Variants in DHX16 observed in about 807,000 individuals in gnomAD.
DHX16 encodes DEAH-box helicase 16.
DHX16 carries 81 observed loss-of-function variants against 131.2 expected under a neutral mutation model. The ratio of observed to expected loss-of-function variants is 0.62; its 90% CI spans 0.52 to 0.74. The LOEUF (loss-of-function observed/expected upper bound fraction) is 0.74. DHX16 is among the 30% of genes least tolerant of loss of function. DHX16 has a pLI of 0.00. For synonymous variants in DHX16, 440 were observed against 520.2 expected (o/e 0.85, Z 2.10); for missense variants, 980 against 1,363.1 (o/e 0.72, Z 4.43).
In DHX16 at chr6:30,662,615, G is replaced by A. The variant is rs1208994849; in HGVS notation, c.1544+12C>T. On this transcript the variant is annotated intron_variant, in intron 9 of 19. Coordinates refer to ENST00000376442, the MANE Select transcript of DHX16 (RefSeq NM_003587.5). The surrounding 1 kb of genome is among the most constrained non-coding windows in gnomAD (Gnocchi z 4.7). ...GGGAAGAAGGGAGAGAAAGGCCAGA[G>A]ATTAGAGATACCTGTAACTCGCCAG... 5 of 1,604,782 alleles carry A rather than the reference G, an allele frequency of 3.1e-6. No homozygotes were observed. Among genetic ancestry groups the A allele is most frequent in the Non-Finnish European group, 4.3e-6 (5 of 1,172,630 alleles).
intron 7 of DHX16, 118 bp from the exon 8 acceptor site, chr6:30,663,139 G>T (rs1226581892): frequency 3.6e-6 from 3 of 835,022 alleles, no homozygotes; most frequent in South Asian, 3.5e-5. Context: ...GGAAAAGACA[G>T]ATGCTGAAAA....
In DHX16 at chr6:30,654,883, A is replaced by G. The variant is rs957929257; in HGVS notation, c.2824-4T>C. Reference sequence around the variant, plus strand: ...AAAAGTAACCAGCAGTGATGGCCTAAGGAGCGGGCAGGAAAGAAAATCAAT... The same window carrying G: ...AAAAGTAACCAGCAGTGATGGCCTAGGGAGCGGGCAGGAAAGAAAATCAAT... On this transcript the variant is annotated splice_polypyrimidine_tract_variant and splice_region_variant and intron_variant, in intron 18 of 19. Transcript: ENST00000376442. The G allele has an allele frequency of 1.9e-6, 3 of 1,606,052 alleles. No homozygotes were observed. The highest frequency in any genetic ancestry group is 1.7e-5 in the Admixed American group (1 of 58,454).
At chr6:30,666,156 G>A (rs768687533) in intron 4 of DHX16, among the ~76,000 whole-genome samples, 1 of 152,176 alleles carries the variant, frequency 6.6e-6, no homozygotes, top group African/African-American at 2.4e-5. Flanking sequence ...AACCAGTGAG[G>A]GGGCCAACAG....
Position 30,659,839 on chromosome 6 carries a change from A to G in DHX16, c.1756-5T>C. ...CAAGTAGTCAGCCTCTGGAGCCTGG[A>G]GAGCAGAAAGAGATGGGGTCACAGG... On this transcript the variant is annotated splice_region_variant and splice_polypyrimidine_tract_variant and intron_variant, in intron 10 of 19. Coordinates refer to ENST00000376442, the MANE Select transcript of DHX16 (RefSeq NM_003587.5). 1 of 1,613,788 alleles carries G rather than the reference A, an allele frequency of 6.2e-7. No individual in the cohort carries two copies. The highest frequency in any genetic ancestry group is 8.5e-7 in the Non-Finnish European group (1 of 1,179,812).
At position 30,656,215 on chromosome 6, in the gene DHX16, C is replaced by CA; in HGVS notation, c.2480dup (p.Met827IlefsTer6). 1 of 1,613,296 alleles carries CA rather than the reference C, an allele frequency of 6.2e-7. No homozygotes were observed. The highest frequency in any genetic ancestry group is 8.5e-7 in the Non-Finnish European group (1 of 1,180,028). On this transcript the variant is annotated frameshift_variant, in exon 16 of 20. Coordinates refer to ENST00000376442, the MANE Select transcript of DHX16 (RefSeq NM_003587.5). LOFTEE classifies it high-confidence loss of function. The surrounding 1 kb of genome is among the most constrained non-coding windows in gnomAD (Gnocchi z 5.1). ...GGGCTTACTTCTCAGAGGCTAAGAT[C>CA]ATTTTGGACAGCATGGGGTCCACCG... is the stretch of plus-strand genomic sequence containing the variant.
chr6:30,672,969 G>A lies in DHX16; in HGVS notation c.-128C>T, dbSNP rs958916391. 1.9e-6 allele frequency: 3 copies of A among 1,552,262 alleles called. No homozygotes were observed. The highest frequency in any genetic ancestry group is 8.7e-7 in the Non-Finnish European group (1 of 1,147,388). Reference sequence around the variant, plus strand: ...CAAGTCAGCTACCTTGGGACCTCTAGGATCTTCCGACATCCCAAAGCTGTC... The same window carrying A: ...CAAGTCAGCTACCTTGGGACCTCTAAGATCTTCCGACATCCCAAAGCTGTC... On this transcript the variant is annotated 5_prime_UTR_variant, in exon 1 of 20. Coordinates refer to ENST00000376442, the MANE Select transcript of DHX16 (RefSeq NM_003587.5).
rs935610680 is a variant in DHX16 at position 30,653,139 on chromosome 6, A to G, written c.*103T>C. The G allele has an allele frequency of 2.9e-6, 4 of 1,390,242 alleles. No individual in the cohort carries two copies. In the Admixed American group the frequency reaches 9.5e-5, roughly 33 times the overall value. The allele number at this position is 1,390,242 out of a possible 1,614,324, so 86.1% of individuals were successfully genotyped here. On this transcript the variant is annotated 3_prime_UTR_variant, in exon 20 of 20. Transcript: ENST00000376442. ...ACATATCACTTTCTCTAGATCCCAA[A>G]TGTTCCCACAAGCTTTATTCCAAAA...
In DHX16 at chr6:30,671,288, G is replaced by A. The variant is rs376682933; in HGVS notation, c.208-14C>T. The A allele has an allele frequency of 2.4e-5, 38 of 1,610,398 alleles. No homozygotes were observed. The African/African-American group carries it at 3.9e-4, about 16-fold the overall frequency. ...CTTTCGTGGTACCTGTCAGTAGAGGGGAAGATAAGGAGGTCTGAGCAACTC... is the reference window on the plus strand; with the variant it reads ...CTTTCGTGGTACCTGTCAGTAGAGGAGAAGATAAGGAGGTCTGAGCAACTC... On this transcript the variant is annotated splice_polypyrimidine_tract_variant and intron_variant, in intron 1 of 19. Transcript: ENST00000376442.
At chr6:30,659,984 C>T in intron 10 of DHX16, 48 bp downstream of exon 10, 1 of 1,596,378 alleles carries the variant, frequency 6.3e-7, no homozygotes, top group Non-Finnish European at 8.6e-7. Context: ...CTCCAAAGGC[C>T]TCAGCTTTTC....
intron 7 of DHX16, among the ~76,000 whole-genome samples, chr6:30,663,292 G>T (rs1768691913): frequency 6.6e-6 from 1 of 152,150 alleles, no homozygotes; most frequent in Non-Finnish European, 1.5e-5. Flanking sequence ...GCCAGCTAAG[G>T]TAAAAAAGCA....
intron 4 of DHX16, among the ~76,000 whole-genome samples, chr6:30,668,966 G>A (rs918328134): frequency 2.6e-5 from 4 of 151,864 alleles, no homozygotes; most frequent in African/African-American, 4.8e-5. Context: ...TTAGCCAGGC[G>A]AGGTGGCTCA....
chr6:30,667,722 A>G (rs1319448176), intron 4 of DHX16, among the ~76,000 whole-genome samples: 2 of 152,196 alleles, frequency 1.3e-5, no homozygotes, highest in African/African-American at 4.8e-5. Flanking sequence ...TAGATACACA[A>G]CTGGATAGTA....
At chr6:30,658,920 A>T (rs929993319) in intron 12 of DHX16, among the ~76,000 whole-genome samples, 1 of 151,460 alleles carries the variant, frequency 6.6e-6, no homozygotes, top group East Asian at 2.0e-4. Flanking sequence ...GGAGTCTCGC[A>T]TTGTCACCCA....
chr6:30,672,825 C>A lies in DHX16; in HGVS notation c.17G>T (p.Gly6Val). 4 of 1,612,678 alleles carry A rather than the reference C, an allele frequency of 2.5e-6. No individual in the cohort carries two copies. The highest frequency in any genetic ancestry group is 3.4e-6 in the Non-Finnish European group (4 of 1,179,774). MATPA[G>V]LERWVQDELH... ...CTCGTCCTGAACCCAGCGCTCCAGACCCGCCGGCGTCGCCATGGCGACTCA... is the reference window on the plus strand; with the variant it reads ...CTCGTCCTGAACCCAGCGCTCCAGAACCGCCGGCGTCGCCATGGCGACTCA... The change falls in exon 1 of 20, where the codon GGT (glycine) becomes GTT (valine). Residue 6 changes from glycine (G) to valine (V), a missense_variant. Gly to Val is a moderately radical substitution (Grantham distance 109, BLOSUM62 -3). Transcript: ENST00000376442.
At chr6:30,659,129 C>T (rs1349673553) in intron 12 of DHX16, among the ~76,000 whole-genome samples, 1 of 152,142 alleles carries the variant, frequency 6.6e-6, no homozygotes, top group Non-Finnish European at 1.5e-5. Flanking sequence ...TCAAGTGATC[C>T]GCCCACCTCA....
intron 19 of DHX16, 48 bp from the exon 20 acceptor site, chr6:30,653,418 T>G: frequency 6.5e-7 from 1 of 1,549,858 alleles, no homozygotes; most frequent in Non-Finnish European, 8.7e-7. Context: ...CCAACATAGA[T>G]CTTTTGTTGT....
chr6:30,665,420 A>T lies in DHX16; in HGVS notation c.921+59T>A. ...ACCCACGTGTTGCCCAATCCCCTGA[A>T]GCCTTCCCCACAACTTGTCTTGGGG... is the stretch of plus-strand genomic sequence containing the variant. On this transcript the variant is annotated intron_variant, in intron 5 of 19. Coordinates refer to ENST00000376442, the MANE Select transcript of DHX16 (RefSeq NM_003587.5). The surrounding 1 kb of genome is among the most constrained non-coding windows in gnomAD (Gnocchi z 4.8). 6.3e-7 allele frequency: 1 copy of T among 1,588,870 alleles called. No homozygotes were observed. The highest frequency in any genetic ancestry group is 8.6e-7 in the Non-Finnish European group (1 of 1,166,254).
At chr6:30,666,285 A>G (rs538298134) in intron 4 of DHX16, among the ~76,000 whole-genome samples, 21 of 152,354 alleles carry the variant, frequency 1.4e-4, no homozygotes, top group African/African-American at 4.3e-4. Context: ...GTGTTTCTGT[A>G]AGGCAAATGT....
At position 30,662,663 on chromosome 6, in the gene DHX16, C is replaced by A. The variant is rs530848531; in HGVS notation, c.1508G>T (p.Arg503Leu). Residue 503 changes from arginine to leucine, a missense_variant, in exon 9 of 20, where the codon CGG (arginine) becomes CTG (leucine). Physicochemically the swap from Arg to Leu is moderately radical, Grantham distance 102. Around this residue, in one of 3 missense-constraint regions of DHX16, gnomAD observed 309 missense variants for 537.1 expected, o/e 0.58. Transcript: ENST00000376442. The surrounding 1 kb of genome is among the most constrained non-coding windows in gnomAD (Gnocchi z 4.7). ...CAGGTCAGGCTCAGAGAGGAACTCC[C>A]GGAGAAGCATCCCATCTGTCATGTA... The part of the protein sequence containing the change: ...LRYMTDGMLL[R>L]EFLSEPDLAS... The A allele has an allele frequency of 6.2e-7, 1 of 1,613,126 alleles. No individual in the cohort carries two copies. Among genetic ancestry groups the A allele is most frequent in the Non-Finnish European group, 8.5e-7 (1 of 1,180,036 alleles).
Sources: allele counts gnomAD v4.1 joint callset (sites outside exome capture counted in the v4.1 genomes callset), GRCh38; gene constraint gnomAD v4.1.1; regional missense constraint gnomAD v4.1.1; non-coding constraint Gnocchi (gnomAD v3.1); transcripts MANE v1.5; gene names NCBI Gene and HGNC (gene_info 2026-07-23, HGNC 2026-07-21).